Variants in PHACTR2 observed in about 807,000 individuals in gnomAD.
The protein encoded by PHACTR2 is chromosome 6 open reading frame 56.
Under a neutral mutation model 76.0 loss-of-function variants are expected in PHACTR2, and 30 were observed. That is an observed-to-expected ratio of 0.39 (90% CI 0.30 to 0.54). The LOEUF (loss-of-function observed/expected upper bound fraction) is 0.54, where lower values mean the gene tolerates loss of function less well. Ranked by LOEUF, PHACTR2 falls within the 20% of genes least tolerant of loss-of-function variation. The pLI is 0.61. For missense variants in PHACTR2, 696 were observed against 781.1 expected, an observed-to-expected ratio of 0.89 and a Z score of 1.30; for synonymous variants, 292 against 292.5, an observed-to-expected ratio of 1.00 and a Z score of 0.02.
At chr6:143,817,266 C>T (rs536365364) in intron 12 of PHACTR2, among the ~76,000 whole-genome samples, 5 of 152,204 alleles carry the variant, frequency 3.3e-5, no homozygotes, top group South Asian at 4.2e-4. Context: ...ATGTTTGGTA[C>T]GCAAAGCCCA....
chr6:143,588,395 G>A (rs1040959639), intron 1 of PHACTR2, among the ~76,000 whole-genome samples: 9 of 151,774 alleles, frequency 5.9e-5, no homozygotes, highest in African/African-American at 1.5e-4. Flanking sequence ...CAAATTTTAC[G>A]GAAGCCCAAC....
intron 1 of PHACTR2, among the ~76,000 whole-genome samples, chr6:143,573,030 AAACT>A (rs1775465082): frequency 2.0e-5 from 3 of 152,238 alleles, no homozygotes; most frequent in Admixed American, 6.5e-5. Flanking sequence ...TGTCCTTACA[AAACT>A]GGCAAGACTA....
At chr6:143,748,413 G>A (rs1294215575) in intron 2 of PHACTR2, among the ~76,000 whole-genome samples, 2 of 152,128 alleles carry the variant, frequency 1.3e-5, no homozygotes, top group African/African-American at 4.8e-5. Flanking sequence ...TAAGACCTGG[G>A]GATTGTCAGC....
chr6:143,797,879 G>A (rs539045557), intron 11 of PHACTR2, among the ~76,000 whole-genome samples: 62 of 152,246 alleles, frequency 4.1e-4, no homozygotes, highest in African/African-American at 1.3e-3. Flanking sequence ...TTGGATATGC[G>A]AGCTCTTTTT....
At position 143,743,173 on chromosome 6, in the gene PHACTR2, C is replaced by T. The variant is rs17593258; in HGVS notation, c.215-5812C>T. On this transcript the variant is annotated intron_variant, in intron 2 of 12. Transcript: ENST00000440869. The surrounding 1 kb of genome is among the most constrained non-coding windows in gnomAD (Gnocchi z 5.0). ...TTAACATTTTAGGGTAGATTTCACC[C>T]GAGAGGGATAGGGAAACAGTCTAAA... is the stretch of plus-strand genomic sequence containing the variant. Among the ~76,000 whole-genome samples the T allele has an allele frequency of 0.037, 5,621 of 152,104 alleles. 154 individuals are homozygous for T. Among genetic ancestry groups the T allele is most frequent in the Non-Finnish European group, 0.049 (3,365 of 68,002 alleles).
chr6:143,649,259 C>A (rs1776713956), intron 1 of PHACTR2, among the ~76,000 whole-genome samples: 1 of 152,018 alleles, frequency 6.6e-6, no homozygotes, highest in African/African-American at 2.4e-5. Flanking sequence ...TGAAACAGCA[C>A]AAATCAGAGA....
upstream of PHACTR2, among the ~76,000 whole-genome samples, chr6:143,606,708 G>A (rs1056819287): frequency 1.3e-4 from 19 of 151,982 alleles, no homozygotes; most frequent in African/African-American, 4.4e-4. Context: ...TGGATAGTTG[G>A]CAGGTCTTAA....
Position 143,641,827 on chromosome 6 carries a change from A to G in PHACTR2, c.13+33505A>G, listed in dbSNP as rs990418352. ...AGCCAAATTTCTGTTGTTTTAAGTC[A>G]CCAAGCTTGTGGTAATTTGTCATGA... On this transcript the variant is annotated intron_variant, in intron 1 of 11. Transcript: ENST00000305766. The surrounding 1 kb of genome is among the most constrained non-coding windows in gnomAD (Gnocchi z 5.8). Among the ~76,000 whole-genome samples the G allele has an allele frequency of 1.3e-5, 2 of 152,134 alleles. No individual in the cohort carries two copies. Among genetic ancestry groups the G allele is most frequent in the Non-Finnish European group, 2.9e-5 (2 of 68,028 alleles).
At chr6:143,687,233 A>G (rs958084904) in intron 1 of PHACTR2, among the ~76,000 whole-genome samples, 4 of 152,268 alleles carry the variant, frequency 2.6e-5, no homozygotes. Flanking sequence ...GAAAATAATA[A>G]ATTTATTTTA....
rs555538026 is a variant in PHACTR2, at chr6:143,807,671, A to G, written c.1922+538A>G. Among the ~76,000 whole-genome samples the G allele has an allele frequency of 6.6e-6, 1 of 152,326 alleles. No homozygotes were observed. The highest frequency in any genetic ancestry group is 6.5e-5 in the Admixed American group (1 of 15,296). On this transcript the variant is annotated intron_variant, in intron 12 of 12. Coordinates refer to ENST00000440869, the MANE Select transcript of PHACTR2 (RefSeq NM_001100164.2). This position sits in a 1 kb window ranked among gnomAD's most constrained non-coding sequence, Gnocchi z 5.5. ...ACTTTGGTTTCACAATAGACATAAC[A>G]CAGGATTGAAGCTGACTTTTCAGAA...
At position 143,709,600 on chromosome 6, in the gene PHACTR2, C is replaced by A. The variant is rs533051166; in HGVS notation, c.47-2416C>A. 7.2e-5 allele frequency among the ~76,000 whole-genome samples: 11 copies of A among 152,326 alleles called. No homozygotes were observed. The South Asian group carries it at 2.1e-3, about 29-fold the overall frequency. Reference sequence around the variant, plus strand: ...TAGCAGGGGAAGCAGTGGGTGCCGCCTTGTCACCCCGACATGGAGGTAAAA... The same window carrying A: ...TAGCAGGGGAAGCAGTGGGTGCCGCATTGTCACCCCGACATGGAGGTAAAA... On this transcript the variant is annotated intron_variant, in intron 1 of 12. Coordinates refer to ENST00000440869, the MANE Select transcript of PHACTR2 (RefSeq NM_001100164.2). The surrounding 1 kb of genome is among the most constrained non-coding windows in gnomAD (Gnocchi z 4.4).
intron 12 of PHACTR2, among the ~76,000 whole-genome samples, chr6:143,814,313 C>G (rs1347157342): frequency 6.6e-6 from 1 of 152,048 alleles, no homozygotes; most frequent in East Asian, 1.9e-4. Flanking sequence ...CTGAGATCGC[C>G]TGGGCAACAG....
At chr6:143,727,355 A>G (rs1472068659) in intron 2 of PHACTR2, among the ~76,000 whole-genome samples, 5 of 151,734 alleles carry the variant, frequency 3.3e-5, no homozygotes, top group African/African-American at 1.2e-4. Flanking sequence ...TTATCCATTC[A>G]TCTTTGATGG....
At chr6:143,615,847 C>A (rs537285842) in intron 1 of PHACTR2, among the ~76,000 whole-genome samples, 60 of 152,262 alleles carry the variant, frequency 3.9e-4, no homozygotes, top group African/African-American at 1.3e-3. Context: ...CTCATCTGAC[C>A]ACACCTGTGC....
rs1218516408 is a variant in PHACTR2, at chr6:143,823,492, T to TA, written c.1923-181dup. On this transcript the variant is annotated intron_variant, in intron 12 of 12. Coordinates refer to ENST00000440869, the MANE Select transcript of PHACTR2 (RefSeq NM_001100164.2). The surrounding 1 kb of genome is among the most constrained non-coding windows in gnomAD (Gnocchi z 5.7). ...CATATATATAAGGAAAGCGTTTATATATGCTTTCCTTAATAATATTTGTAA... is the reference window on the plus strand; with the variant it reads ...CATATATATAAGGAAAGCGTTTATATAATGCTTTCCTTAATAATATTTGTAA... 6.6e-6 allele frequency among the ~76,000 whole-genome samples: 1 copy of TA among 152,234 alleles called. No homozygotes were observed. The highest frequency in any genetic ancestry group is 1.5e-5 in the Non-Finnish European group (1 of 68,032).
At chr6:143,601,703 G>A (rs1366996829) in intron 1 of PHACTR2, among the ~76,000 whole-genome samples, 2 of 152,284 alleles carry the variant, frequency 1.3e-5, no homozygotes, top group African/African-American at 4.8e-5. Context: ...TGCCATCTGT[G>A]TGGACTCCTG....
chr6:143,727,846 A>G (rs1430822235), intron 2 of PHACTR2, among the ~76,000 whole-genome samples: 1 of 152,210 alleles, frequency 6.6e-6, no homozygotes, highest in East Asian at 1.9e-4. Flanking sequence ...ATACCTCAAC[A>G]TATTAAAGCC....
chr6:143,749,721 T>A (rs1238039626), intron 3 of PHACTR2, among the ~76,000 whole-genome samples: 1 of 152,160 alleles, frequency 6.6e-6, no homozygotes, highest in Non-Finnish European at 1.5e-5. Context: ...GGAACTTTGT[T>A]CAGAAAAGAC....
chr6:143,753,716 A>C lies in PHACTR2; in HGVS notation c.296-38A>C. 1.3e-6 allele frequency: 2 copies of C among 1,503,644 alleles called. No individual in the cohort carries two copies. Among genetic ancestry groups the C allele is most frequent in the Non-Finnish European group, 9.0e-7 (1 of 1,114,570 alleles). 93.1% of individuals were successfully genotyped at this position (1,503,644 alleles called of 1,614,324 possible). ...TGGAAAACTTGTTTTTAAGAAAGCC[A>C]GCAAGTTAGACATCTAGGTGTTTCT... is the stretch of plus-strand genomic sequence containing the variant. On this transcript the variant is annotated intron_variant, in intron 3 of 12. Coordinates refer to ENST00000440869, the MANE Select transcript of PHACTR2 (RefSeq NM_001100164.2). This position sits in a 1 kb window ranked among gnomAD's most constrained non-coding sequence, Gnocchi z 4.6.
Sources: allele counts gnomAD v4.1 joint callset (sites outside exome capture counted in the v4.1 genomes callset), GRCh38; gene constraint gnomAD v4.1.1; non-coding constraint Gnocchi (gnomAD v3.1); transcripts MANE v1.5; gene names NCBI Gene and HGNC (gene_info 2026-07-23, HGNC 2026-07-21).